MMP26: variants seen among roughly 807,000 people sequenced by gnomAD.
MMP26 encodes matrix metalloproteinase-26.
In MMP26, 33 loss-of-function variants were observed where a neutral mutation model predicts 31.0. The observed-to-expected ratio is 1.06, with a 90% confidence interval of 0.81 to 1.42. The LOEUF is 1.42. Among genes scored for constraint, MMP26 ranks in the 40% most tolerant of loss-of-function variants. The probability of loss-of-function intolerance (pLI) is 0.00; values close to 1 mark genes in which losing one functional copy is unlikely to be tolerated. For missense variants in MMP26, 347 were observed against 316.1 expected, an observed-to-expected ratio of 1.10 and a Z score of -0.74; for synonymous variants, 122 against 114.9, an observed-to-expected ratio of 1.06 and a Z score of -0.40.
intron 2 of MMP26, among the ~76,000 whole-genome samples, chr11:4,905,697 G>C (rs1236260331): frequency 6.6e-6 from 1 of 151,862 alleles, no homozygotes; most frequent in Non-Finnish European, 1.5e-5. Context: ...ATTTACTAAG[G>C]AAGCTTATTA....
intron 2 of MMP26, among the ~76,000 whole-genome samples, chr11:4,870,609 G>A (rs977968425): frequency 2.6e-5 from 4 of 152,070 alleles, no homozygotes; most frequent in African/African-American, 7.2e-5. Flanking sequence ...GAATAGTACC[G>A]TGGTGATGGC....
At chr11:4,787,441 A>C (rs1357067082) in intron 2 of MMP26, 1 of 152,252 alleles carries the variant, frequency 6.6e-6, no homozygotes, top group African/African-American at 2.4e-5. Context: ...TGTACTAAAC[A>C]TCATCTCTTC....
chr11:4,924,252 A>C (rs771159823), intron 2 of MMP26: 5 of 1,614,186 alleles, frequency 3.1e-6, no homozygotes, highest in Non-Finnish European at 4.2e-6. Flanking sequence ...AAGGGAATAG[A>C]GATCCAGCCA....
At chr11:4,871,924 C>G (rs1323923884) in intron 2 of MMP26, 2 of 152,098 alleles carry the variant, frequency 1.3e-5, no homozygotes, top group Non-Finnish European at 2.9e-5. Flanking sequence ...AATTTAATGG[C>G]AGAAATTGCC....
chr11:4,809,057 G>T (rs981939890), intron 2 of MMP26, among the ~76,000 whole-genome samples: 1 of 151,918 alleles, frequency 6.6e-6, no homozygotes, highest in African/African-American at 2.4e-5. Flanking sequence ...AGCACAGGTT[G>T]TCAGCTTGCT....
chr11:4,815,284 T>C (rs1849405649), intron 2 of MMP26, among the ~76,000 whole-genome samples: 1 of 152,176 alleles, frequency 6.6e-6, no homozygotes, highest in Non-Finnish European at 1.5e-5. Flanking sequence ...AGTTCTGTTC[T>C]TTTTTCCACA....
chr11:4,730,634 C>T (rs1030557183), intron 1 of MMP26, among the ~76,000 whole-genome samples: 5 of 152,180 alleles, frequency 3.3e-5, no homozygotes, highest in African/African-American at 7.2e-5. Flanking sequence ...CTCAAGACTA[C>T]GTTGTCTCTC....
At chr11:4,869,386 C>T (rs57912118) in intron 2 of MMP26, among the ~76,000 whole-genome samples, 4,730 of 152,178 alleles carry the variant, frequency 0.031, 237 homozygotes, top group African/African-American at 0.11. Context: ...AATAAAACAG[C>T]CCCATCAAAA....
chr11:4,772,666 TGAGA>T (rs1589896419), intron 2 of MMP26, among the ~76,000 whole-genome samples: 1 of 152,224 alleles, frequency 6.6e-6, no homozygotes. Context: ...ACCTGATTAT[TGAGA>T]GAGTTTTTTC....
chr11:4,773,355 A>G (rs1387164020), intron 2 of MMP26, among the ~76,000 whole-genome samples: 1 of 152,148 alleles, frequency 6.6e-6, no homozygotes, highest in Non-Finnish European at 1.5e-5. Context: ...CTAAGAGTGG[A>G]CTCCAGCTAA....
At chr11:4,842,069 G>T (rs1849804274) in intron 2 of MMP26, among the ~76,000 whole-genome samples, 1 of 152,136 alleles carries the variant, frequency 6.6e-6, no homozygotes, top group Admixed American at 6.5e-5. Context: ...ACTGTGGTGT[G>T]TAAACTACTC....
intron 2 of MMP26, among the ~76,000 whole-genome samples, chr11:4,966,124 TAAGGAAGAC>T (rs1846591331): frequency 6.6e-6 from 1 of 152,166 alleles, no homozygotes; most frequent in Non-Finnish European, 1.5e-5. Context: ...TAAGAAACCT[TAAGGAAGAC>T]TTTATTCATG....
intron 2 of MMP26, chr11:4,907,678 C>T (rs142232152): frequency 6.2e-7 from 1 of 1,613,908 alleles, no homozygotes; most frequent in East Asian, 2.2e-5. Context: ...AAGAATTCTT[C>T]ATTCATGGAT....
At chr11:4,719,816 T>C (rs749357748) in intron 1 of MMP26, among the ~76,000 whole-genome samples, 21 of 152,316 alleles carry the variant, frequency 1.4e-4, no homozygotes, top group Non-Finnish European at 2.9e-4. Context: ...TTCAAAGACT[T>C]TGTTAACTAA....
chr11:4,721,622 T>A (rs1412171247), intron 1 of MMP26, among the ~76,000 whole-genome samples: 3 of 152,206 alleles, frequency 2.0e-5, no homozygotes, highest in African/African-American at 7.2e-5. Flanking sequence ...AGACAGAGAA[T>A]ATGGCATATC....
intron 2 of MMP26, chr11:4,908,756 G>A: frequency 1.8e-5 from 3 of 162,802 alleles, no homozygotes; most frequent in Admixed American, 5.9e-5. Flanking sequence ...GTGATATTTT[G>A]GATAAAATAA....
chr11:4,970,140 T>C (rs766588782), intron 2 of MMP26, among the ~76,000 whole-genome samples: 1 of 152,212 alleles, frequency 6.6e-6, no homozygotes. Flanking sequence ...AGCATAGTAA[T>C]ACAAAAAACT....
chr11:4,718,481 T>C (rs1847966407), intron 1 of MMP26: 1 of 152,218 alleles, frequency 6.6e-6, no homozygotes, highest in Non-Finnish European at 1.5e-5. Context: ...TTATGGGCTT[T>C]CTATATAAGG....
intron 2 of MMP26, among the ~76,000 whole-genome samples, chr11:4,828,223 G>A (rs1849603702): frequency 6.6e-6 from 1 of 152,146 alleles, no homozygotes; most frequent in South Asian, 2.1e-4. Flanking sequence ...GTAGACTGAA[G>A]AGGTGCTCTT....
Sources: allele counts gnomAD v4.1 joint callset (sites outside exome capture counted in the v4.1 genomes callset), GRCh38; gene constraint gnomAD v4.1.1; transcripts MANE v1.5; gene names NCBI Gene and HGNC (gene_info 2026-07-23, HGNC 2026-07-21).